NIPBL: variants seen among roughly 807,000 people sequenced by gnomAD.
The protein encoded by NIPBL is NIPBL cohesin loading factor.
In NIPBL, 19 loss-of-function variants were observed where a neutral mutation model predicts 321.8. The ratio of observed to expected loss-of-function variants is 0.06; its 90% confidence interval spans 0.04 to 0.09. The LOEUF (loss-of-function observed/expected upper bound fraction) is 0.09, where lower values mean the gene tolerates loss of function less well. NIPBL is among the 10% of genes least tolerant of loss of function. The probability of loss-of-function intolerance (pLI) is 1.00; values close to 1 mark genes in which losing one functional copy is unlikely to be tolerated. For missense variants in NIPBL, 2,210 were observed against 3,327.0 expected, an observed-to-expected ratio of 0.66 and a Z score of 8.26; for synonymous variants, 1,106 against 1,114.1, an observed-to-expected ratio of 0.99 and a Z score of 0.14.
chr5:37,029,772 A>G (rs973107343), intron 32 of NIPBL, among the ~76,000 whole-genome samples: 2 of 152,200 alleles, frequency 1.3e-5, no homozygotes, highest in African/African-American at 4.8e-5. Context: ...AAAGTAGTAC[A>G]TTACTTTCTT....
intron 1 of NIPBL, among the ~76,000 whole-genome samples, chr5:36,952,053 T>TGTGTGTGTGTGTGCGTGC (rs778597604): frequency 8.9e-6 from 1 of 112,114 alleles, no homozygotes; most frequent in Non-Finnish European, 1.9e-5. Context: ...TGTGTGTGTG[T>TGTGTGTGTGTGTGCGTGC]GCGCGCGCGC....
intron 1 of NIPBL, among the ~76,000 whole-genome samples, chr5:36,950,472 C>T (rs1740164089): frequency 6.6e-6 from 1 of 152,026 alleles, no homozygotes; most frequent in Non-Finnish European, 1.5e-5. Context: ...GATGGCTTTG[C>T]CTGGTTTAAA....
At chr5:36,952,380 A>G (rs991639292) in intron 1 of NIPBL, among the ~76,000 whole-genome samples, 7 of 152,244 alleles carry the variant, frequency 4.6e-5, no homozygotes, top group African/African-American at 1.2e-4. Context: ...TCCGTTTTTA[A>G]TCTTAGCTCT....
chr5:37,008,615 C>CTT lies in NIPBL; in HGVS notation c.4321-7_4321-6insTT. ...AGTTTAACTTGGAATCTTATAATTA[C>CTT]TAAACAGGTATTCTCAAGATATGAA... On this transcript the variant is annotated splice_region_variant and splice_polypyrimidine_tract_variant and intron_variant, in intron 19 of 46. Transcript: ENST00000282516. 1 of 1,305,174 alleles carries CTT rather than the reference C, an allele frequency of 7.7e-7. No individual in the cohort carries two copies. The highest frequency in any genetic ancestry group is 1.1e-6 in the Non-Finnish European group (1 of 899,588). 80.8% of individuals were successfully genotyped at this position (1,305,174 alleles called of 1,614,324 possible).
At chr5:37,060,788 T>TC (rs1754582007) in intron 44 of NIPBL, 56 bp from the exon 45 acceptor site, 2 of 1,474,306 alleles carry the variant, frequency 1.4e-6, no homozygotes, top group African/African-American at 2.8e-5. Context: ...ATTGGATTTC[T>TC]CCAAATACGT....
At chr5:36,883,645 T>C (rs1368788312) in intron 1 of NIPBL, among the ~76,000 whole-genome samples, 3 of 151,996 alleles carry the variant, frequency 2.0e-5, no homozygotes, top group Non-Finnish European at 4.4e-5. Context: ...AAAGCAAAAA[T>C]GTCCTTTAAT....
Position 36,989,839 on chromosome 5 carries a change from C to CAA in NIPBL, c.3121+3561_3121+3562dup, listed in dbSNP as rs374278669. On this transcript the variant is annotated intron_variant, in intron 10 of 46. Coordinates refer to ENST00000282516, the MANE Select transcript of NIPBL (RefSeq NM_133433.4). The stretch of plus-strand genomic sequence containing the variant: ...GGGTGACAGAGCGAGACTCTGTCTC[C>CAA]AAAAAAAAAAAAAAAAAAAAAAAAT... Among the ~76,000 whole-genome samples the CAA allele has an allele frequency of 9.6e-3, 702 of 73,288 alleles. 8 individuals carry two copies. The highest frequency in any genetic ancestry group is 0.034 in the African/African-American group (582 of 17,096). 48.1% of individuals were successfully genotyped at this position (73,288 alleles called of 152,430 possible).
chr5:36,952,053 TGCGCGCGCGCGCGC>T (rs1554010277), intron 1 of NIPBL, among the ~76,000 whole-genome samples: 1 of 112,214 alleles, frequency 8.9e-6, no homozygotes, highest in Non-Finnish European at 1.9e-5. Flanking sequence ...TGTGTGTGTG[TGCGCGCGCGCGCGC>T]GCGCGCATGT....
At chr5:36,921,818 G>A (rs1561388841) in intron 1 of NIPBL, among the ~76,000 whole-genome samples, 1 of 151,798 alleles carries the variant, frequency 6.6e-6, no homozygotes, top group Non-Finnish European at 1.5e-5. Context: ...AATGCAGGGG[G>A]ACAAGAAATT....
At chr5:36,932,371 G>T (rs1394865466) in intron 1 of NIPBL, among the ~76,000 whole-genome samples, 1 of 152,128 alleles carries the variant, frequency 6.6e-6, no homozygotes, top group Non-Finnish European at 1.5e-5. Flanking sequence ...CAACTTCGTT[G>T]TTAGGTATGA....
chr5:36,887,209 T>A (rs1444779819), intron 1 of NIPBL, among the ~76,000 whole-genome samples: 1 of 152,208 alleles, frequency 6.6e-6, no homozygotes, highest in East Asian at 1.9e-4. Flanking sequence ...ACCAAGCATG[T>A]GAAATAGACC....
intron 34 of NIPBL, among the ~76,000 whole-genome samples, chr5:37,042,566 C>T (rs1752521461): frequency 6.6e-6 from 1 of 151,650 alleles, no homozygotes; most frequent in Non-Finnish European, 1.5e-5. Context: ...CCGAGGCAGG[C>T]AGATCACAAA....
intron 11 of NIPBL, among the ~76,000 whole-genome samples, chr5:36,999,580 G>C (rs1746547348): frequency 2.0e-5 from 3 of 152,230 alleles, no homozygotes; most frequent in Admixed American, 6.5e-5. Context: ...GCCAGTTGAT[G>C]AGAGTTGATG....
intron 32 of NIPBL, among the ~76,000 whole-genome samples, chr5:37,032,386 CGTGTGTGTGTGTGTGTGTGTGTGTGT>C (rs58831894): frequency 8.1e-5 from 10 of 123,598 alleles, no homozygotes; most frequent in East Asian, 2.6e-4. Flanking sequence ...TACATGTATA[CGTGTGTGTGTGTGTGTGTGTGTGTGT>C]GTGTGTGTGT....
Position 36,985,420 on chromosome 5 carries a change from C to T in NIPBL, c.2240C>T (p.Pro747Leu). 1.9e-6 allele frequency: 3 copies of T among 1,613,442 alleles called. No homozygotes were observed. The highest frequency in any genetic ancestry group is 2.5e-6 in the Non-Finnish European group (3 of 1,179,888). The change falls in exon 10 of 47, where the codon CCA (proline) becomes CTA (leucine). Residue 747 changes from proline (P) to leucine (L), a missense_variant. Transcript: ENST00000282516. ...KQKGESRPET[P>L]KQKNEGRPET... Reference sequence around the variant, plus strand: ...AAAGGTGAGAGCCGCCCTGAAACTCCAAAGCAAAAAAATGAAGGGCGACCT... The same window carrying T: ...AAAGGTGAGAGCCGCCCTGAAACTCTAAAGCAAAAAAATGAAGGGCGACCT...
rs752195607 is a variant in NIPBL, at chr5:37,014,738, A to G, written c.4616A>G (p.Gln1539Arg). Reference protein sequence around the residue: ...NSYETAMRTAQNFLSIFLKKC... With the variant: ...NSYETAMRTARNFLSIFLKKC... ...TATGAAACAGCTATGCGAACAGCCCAAAACTTCCTCTCCATCTTCCTTAAA... is the reference window on the plus strand; with the variant it reads ...TATGAAACAGCTATGCGAACAGCCCGAAACTTCCTCTCCATCTTCCTTAAA... The change falls in exon 22 of 47, where the codon CAA (glutamine) becomes CGA (arginine). Residue 1539 changes from glutamine (Q) to arginine (R), a missense_variant. This residue lies in a region of NIPBL where 381 missense variants were observed against 642.3 expected (regional missense o/e 0.59). Transcript: ENST00000282516. 6.2e-7 allele frequency: 1 copy of G among 1,605,812 alleles called. No homozygotes were observed. The highest frequency in any genetic ancestry group is 1.1e-5 in the South Asian group (1 of 90,912).
intron 14 of NIPBL, among the ~76,000 whole-genome samples, chr5:37,002,207 C>A (rs1746891390): frequency 6.6e-6 from 1 of 152,156 alleles, no homozygotes; most frequent in African/African-American, 2.4e-5. Context: ...TTGAAAGAAG[C>A]AATACCTTTT....
At chr5:36,958,687 A>C (rs1741257129) in intron 4 of NIPBL, among the ~76,000 whole-genome samples, 1 of 152,134 alleles carries the variant, frequency 6.6e-6, no homozygotes. Flanking sequence ...ATTATTATTA[A>C]AGAAAAATTG....
rs1468720078 is a variant in NIPBL at position 37,019,416 on chromosome 5, C to A, written c.5010+16C>A. On this transcript the variant is annotated intron_variant, in intron 25 of 46. Transcript: ENST00000282516. ...TTCACTAGTGGTAGGATTCTTTTCC[C>A]CTGTTTTGGAGATACTACATGTTTA... 6.3e-7 allele frequency: 1 copy of A among 1,583,510 alleles called. No individual in the cohort carries two copies. The highest frequency in any genetic ancestry group is 1.7e-5 in the Admixed American group (1 of 59,958).
Sources: gnomAD v4.1 joint callset for allele counts (sites outside exome capture counted in the v4.1 genomes callset) on GRCh38, gnomAD v4.1.1 for gene constraint, gnomAD v4.1.1 regional missense constraint, MANE v1.5 for transcripts, NCBI Gene and HGNC (gene_info 2026-07-23, HGNC 2026-07-21) for gene names.